UTS2R: variants seen among roughly 807,000 people sequenced by gnomAD.
UTS2R encodes urotensin 2 receptor.
For synonymous variants in UTS2R, 335 were observed against 280.9 expected (o/e 1.19, Z -1.93); for missense variants, 653 against 562.2 (o/e 1.16, Z -1.63).
rs773049719 is a variant in UTS2R at position 82,375,149 on chromosome 17, G to T, written c.825G>T (p.Trp275Cys). The T allele has an allele frequency of 5.9e-6, 9 of 1,537,836 alleles. 1 individual carries two copies. In the South Asian group the frequency reaches 1.1e-4, roughly 19 times the overall value. ...LLFWACFLPF[W>C]LWQLLAQYHQ... ...TCTGGGCCTGCTTCCTGCCCTTCTG[G>T]CTGTGGCAGCTGCTCGCCCAGTACC... Residue 275 changes from tryptophan (W) to cysteine (C), a missense_variant, in exon 3 of 3, where the codon TGG becomes TGT. Trp to Cys is a radical substitution (Grantham distance 215, BLOSUM62 -2). Coordinates refer to ENST00000313135, the MANE Select transcript of UTS2R (RefSeq NM_018949.3).
rs911331975 is a variant in UTS2R at position 82,375,757 on chromosome 17, C to A, written c.*263C>A. 1.3e-5 allele frequency among the ~76,000 whole-genome samples: 2 copies of A among 152,192 alleles called. No individual in the cohort carries two copies. Among genetic ancestry groups the A allele is most frequent in the East Asian group, 3.9e-4 (2 of 5,192 alleles). ...CACAGAGGGCAGCAGGCGCCAGTGC[C>A]CGGCCCGTGTGGAGACCATGGCGCG... On this transcript the variant is annotated 3_prime_UTR_variant, in exon 3 of 3. Coordinates refer to ENST00000313135, the MANE Select transcript of UTS2R (RefSeq NM_018949.3).
At chr17:82,373,938 C>T (rs763142597) in intron 2 of UTS2R, among the ~76,000 whole-genome samples, 1 of 152,204 alleles carries the variant, frequency 6.6e-6, no homozygotes, top group Non-Finnish European at 1.5e-5. Flanking sequence ...CTGTCCACTG[C>T]CGACCTCTGC....
In UTS2R at chr17:82,372,639, G is replaced by A. The variant is rs2052459039; in HGVS notation, c.-227G>A. On this transcript the variant is annotated 5_prime_UTR_variant, in exon 2 of 3. Coordinates refer to ENST00000313135, the MANE Select transcript of UTS2R (RefSeq NM_018949.3). Reference sequence around the variant, plus strand: ...TTCATCCAGGCTGCTGACCCCAGCGGCGACTCCTTCACTGGCTTCATGTCA... The same window carrying A: ...TTCATCCAGGCTGCTGACCCCAGCGACGACTCCTTCACTGGCTTCATGTCA... Among the ~76,000 whole-genome samples the A allele has an allele frequency of 6.6e-6, 1 of 152,222 alleles. No individual in the cohort carries two copies. Among genetic ancestry groups the A allele is most frequent in the Non-Finnish European group, 1.5e-5 (1 of 68,038 alleles).
chr17:82,375,586 C>G lies in UTS2R; in HGVS notation c.*92C>G. The G allele has an allele frequency of 1.9e-6, 1 of 537,074 alleles. No homozygotes were observed. The highest frequency in any genetic ancestry group is 3.2e-6 in the Non-Finnish European group (1 of 315,228). 33.3% of individuals were successfully genotyped at this position (537,074 alleles called of 1,614,324 possible). A position where few individuals can be genotyped will look rare whatever the true frequency, so the allele number is the denominator to read the frequency against. ...CCCCCCAACTCCCAAATCACAGGCC[C>G]TGCCCCTCCTCCGTCCCCTTCTGGA... On this transcript the variant is annotated 3_prime_UTR_variant, in exon 3 of 3. Coordinates refer to ENST00000313135, the MANE Select transcript of UTS2R (RefSeq NM_018949.3).
At position 82,374,612 on chromosome 17, in the gene UTS2R, C is replaced by T. The variant is rs2052475272; in HGVS notation, c.288C>T (p.Ala96=). The change falls in exon 3 of 3, where the codon GCC becomes GCT. Residue 96 remains alanine, a synonymous_variant. Coordinates refer to ENST00000313135, the MANE Select transcript of UTS2R (RefSeq NM_018949.3). ...MYVYVVNLAL[A]DLLYLLSIPF... is the part of the protein sequence containing the mutation. ...TCTACGTGGTCAACCTGGCGCTGGCCGACCTGCTGTACCTGCTCAGCATCC... is the reference window on the plus strand; with the variant it reads ...TCTACGTGGTCAACCTGGCGCTGGCTGACCTGCTGTACCTGCTCAGCATCC... 6.2e-7 allele frequency: 1 copy of T among 1,611,070 alleles called. No homozygotes were observed. The highest frequency in any genetic ancestry group is 1.1e-5 in the South Asian group (1 of 90,504).
chr17:82,374,369 C>T lies in UTS2R; in HGVS notation c.45C>T (p.Ala15=), dbSNP rs759240629. Residue 15 remains alanine, a synonymous_variant, in exon 3 of 3, where the codon GCC becomes GCT. Coordinates refer to ENST00000313135, the MANE Select transcript of UTS2R (RefSeq NM_018949.3). ...PESPSSFPGL[A]ATGSSVPEPP... Reference sequence around the variant, plus strand: ...CCCCGAGCAGCTTCCCTGGGCTGGCCGCCACTGGCAGCTCTGTGCCGGAGC... The same window carrying T: ...CCCCGAGCAGCTTCCCTGGGCTGGCTGCCACTGGCAGCTCTGTGCCGGAGC... 2.5e-5 allele frequency: 40 copies of T among 1,586,076 alleles called. No homozygotes were observed. Among genetic ancestry groups the T allele is most frequent in the Admixed American group, 8.5e-5 (5 of 58,588 alleles).
rs1363861966 is a variant in UTS2R, at chr17:82,375,142, C to T, written c.818C>T (p.Pro273Leu). 2 of 1,536,104 alleles carry T rather than the reference C, an allele frequency of 1.3e-6. No homozygotes were observed. The highest frequency in any genetic ancestry group is 1.2e-5 in the South Asian group (1 of 82,442). The change falls in exon 3 of 3, where the codon CCC (proline) becomes CTC (leucine). Residue 273 changes from proline (P) to leucine (L), a missense_variant. Pro to Leu is a moderately conservative substitution (Grantham distance 98). Coordinates refer to ENST00000313135, the MANE Select transcript of UTS2R (RefSeq NM_018949.3). ...IVLLFWACFL[P>L]FWLWQLLAQY... ...CTGCTCTTCTGGGCCTGCTTCCTGC[C>T]CTTCTGGCTGTGGCAGCTGCTCGCC...
rs760285575 is a variant in UTS2R at position 82,374,308 on chromosome 17, G to A, written c.-17G>A. 22 of 1,537,224 alleles carry A rather than the reference G, an allele frequency of 1.4e-5. No homozygotes were observed. Among genetic ancestry groups the A allele is most frequent in the Admixed American group, 1.9e-5 (1 of 52,754 alleles). ...GGAGTGTCCACCCAGCCCTGAGCCCGTCGTGAGGGGTCAGAGATGGCGCTG... is the reference window on the plus strand; with the variant it reads ...GGAGTGTCCACCCAGCCCTGAGCCCATCGTGAGGGGTCAGAGATGGCGCTG... On this transcript the variant is annotated 5_prime_UTR_variant, in exon 3 of 3. Coordinates refer to ENST00000313135, the MANE Select transcript of UTS2R (RefSeq NM_018949.3).
chr17:82,374,454 T>G lies in UTS2R; in HGVS notation c.130T>G (p.Ser44Ala), dbSNP rs1381509393. The change falls in exon 3 of 3, where the codon TCC becomes GCC. Residue 44 changes from serine (S) to alanine (A), a missense_variant. Physicochemically the swap from Ser to Ala is moderately conservative, Grantham distance 99. Coordinates refer to ENST00000313135, the MANE Select transcript of UTS2R (RefSeq NM_018949.3). ...SSWASPTEPS[S>A]LEDLVATGTI... is the part of the protein sequence containing the mutation. The stretch of plus-strand genomic sequence containing the variant: ...CTGGGCCAGCCCGACCGAGCCCAGC[T>G]CCCTGGAGGACCTGGTGGCCACGGG... 2.5e-6 allele frequency: 4 copies of G among 1,599,966 alleles called. No individual in the cohort carries two copies. In the African/African-American group the frequency reaches 5.4e-5, roughly 21 times the overall value.
At position 82,374,750 on chromosome 17, in the gene UTS2R, C is replaced by A; in HGVS notation, c.426C>A (p.Thr142=). 1 of 1,610,806 alleles carries A rather than the reference C, an allele frequency of 6.2e-7. No individual in the cohort carries two copies. Among genetic ancestry groups the A allele is most frequent in the Non-Finnish European group, 8.5e-7 (1 of 1,179,730 alleles). ...TGCACGCCAGCATCTTCACGCTGAC[C>A]GTCATGAGCAGCGAGCGCTACGCTG... is the stretch of plus-strand genomic sequence containing the variant. ...LTMHASIFTL[T]VMSSERYAAV... The change falls in exon 3 of 3, where the codon ACC becomes ACA. Residue 142 remains threonine (T), a synonymous_variant. Coordinates refer to ENST00000313135, the MANE Select transcript of UTS2R (RefSeq NM_018949.3).
Position 82,375,387 on chromosome 17 carries a change from T to C in UTS2R, c.1063T>C (p.Ser355Pro), listed in dbSNP as rs777156244. Reference sequence around the variant, plus strand: ...GCCCCGCGCCCGCTTCCAGCGCTGTTCGGGCCGCTCCCTGTCTTCCTGCAG... The same window carrying C: ...GCCCCGCGCCCGCTTCCAGCGCTGTCCGGGCCGCTCCCTGTCTTCCTGCAG... The part of the protein sequence containing the change: ...LQPRARFQRC[S>P]GRSLSSCSPQ... The change falls in exon 3 of 3, where the codon TCG becomes CCG. Residue 355 changes from serine to proline, a missense_variant. Coordinates refer to ENST00000313135, the MANE Select transcript of UTS2R (RefSeq NM_018949.3). 22 of 1,578,430 alleles carry C rather than the reference T, an allele frequency of 1.4e-5. No individual in the cohort carries two copies. The highest frequency in any genetic ancestry group is 1.7e-5 in the Admixed American group (1 of 57,202).
At position 82,374,506 on chromosome 17, in the gene UTS2R, T is replaced by C; in HGVS notation, c.182T>C (p.Met61Thr). 1 of 1,577,542 alleles carries C rather than the reference T, an allele frequency of 6.3e-7. No individual in the cohort carries two copies. ...TGTIGTLLSAMGVVGVVGNAY... is the reference protein window; with the variant it reads ...TGTIGTLLSATGVVGVVGNAY... ...ACCATTGGGACTCTGCTGTCGGCCA[T>C]GGGCGTGGTGGGCGTGGTGGGCAAC... Residue 61 changes from methionine (M) to threonine (T), a missense_variant, in exon 3 of 3, where the codon ATG becomes ACG. By Grantham distance (81) the Met-to-Thr change is moderately conservative (BLOSUM62 -1). Coordinates refer to ENST00000313135, the MANE Select transcript of UTS2R (RefSeq NM_018949.3).
At chr17:82,373,376 G>A (rs1019363953) in intron 2 of UTS2R, among the ~76,000 whole-genome samples, 2 of 152,004 alleles carry the variant, frequency 1.3e-5, no homozygotes, top group African/African-American at 4.8e-5. Flanking sequence ...TGGCCAGGCC[G>A]GTTTCGAACT....
At position 82,375,030 on chromosome 17, in the gene UTS2R, C is replaced by A; in HGVS notation, c.706C>A (p.Arg236Ser). 7.2e-7 allele frequency: 1 copy of A among 1,390,874 alleles called. No individual in the cohort carries two copies. The highest frequency in any genetic ancestry group is 2.7e-5 in the Admixed American group (1 of 36,872). The allele number at this position is 1,390,874 out of a possible 1,614,324, so 86.2% of individuals were successfully genotyped here. A position where few individuals can be genotyped will look rare whatever the true frequency, so the allele number is the denominator to read the frequency against. The change falls in exon 3 of 3, where the codon CGC (arginine) becomes AGC (serine). Residue 236 changes from arginine (R) to serine (S), a missense_variant. By Grantham distance (110) the Arg-to-Ser change is moderately radical (BLOSUM62 -1). Coordinates refer to ENST00000313135, the MANE Select transcript of UTS2R (RefSeq NM_018949.3). Reference protein sequence around the residue: ...LIGLLYARLARAYRRSQRASF... With the variant: ...LIGLLYARLASAYRRSQRASF... ...CGGGCTGCTCTACGCGCGCCTGGCC[C>A]GCGCCTACCGCCGCTCGCAGCGCGC...
intron 1 of UTS2R, among the ~76,000 whole-genome samples, 132 bp downstream of exon 1, chr17:82,372,179 GCGGCTTCTCCCGTGCCGTGGAA>G: frequency 6.6e-6 from 1 of 152,166 alleles, no homozygotes; most frequent in Non-Finnish European, 1.5e-5. Context: ...GTCCAGCGAG[GCGGCTTCTCCCGTGCCGTGGAA>G]CTTTCGGCCC....
rs938916794 is a variant in UTS2R, at chr17:82,376,971, C to A, written c.*1477C>A. Among the ~76,000 whole-genome samples the A allele has an allele frequency of 6.6e-6, 1 of 152,174 alleles. No individual in the cohort carries two copies. Among genetic ancestry groups the A allele is most frequent in the African/African-American group, 2.4e-5 (1 of 41,442 alleles). On this transcript the variant is annotated 3_prime_UTR_variant, in exon 3 of 3. Coordinates refer to ENST00000313135, the MANE Select transcript of UTS2R (RefSeq NM_018949.3). Reference sequence around the variant, plus strand: ...CACCCCGTCTGGGAGGTGTGCCCAGCAGCTCATTGAGAACGGGCCATGATG... The same window carrying A: ...CACCCCGTCTGGGAGGTGTGCCCAGAAGCTCATTGAGAACGGGCCATGATG...
chr17:82,372,074 C>T (rs1280774970), intron 1 of UTS2R, among the ~76,000 whole-genome samples, 27 bp downstream of exon 1: 1 of 151,974 alleles, frequency 6.6e-6, no homozygotes, highest in Non-Finnish European at 1.5e-5. Context: ...TGACCGGGAG[C>T]GCGCGGGGAC....
rs1222334301 is a variant in UTS2R at position 82,376,892 on chromosome 17, C to T, written c.*1398C>T. Among the ~76,000 whole-genome samples the T allele has an allele frequency of 2.6e-5, 4 of 151,928 alleles. No individual in the cohort carries two copies. The highest frequency in any genetic ancestry group is 4.4e-5 in the Non-Finnish European group (3 of 67,968). ...GCCACCCCGTCCGGGAGGTGAGGGG[C>T]GCCTCTGCCCGGCCACCCCTACTGG... On this transcript the variant is annotated 3_prime_UTR_variant, in exon 3 of 3. Transcript: ENST00000313135.
rs771882350 is a variant in UTS2R at position 82,375,355 on chromosome 17, C to T, written c.1031C>T (p.Ser344Phe). 3 of 1,573,508 alleles carry T rather than the reference C, an allele frequency of 1.9e-6. No homozygotes were observed. The highest frequency in any genetic ancestry group is 2.6e-6 in the Non-Finnish European group (3 of 1,164,806). The change falls in exon 3 of 3, where the codon TCC becomes TTC. Residue 344 changes from serine to phenylalanine, a missense_variant. By Grantham distance (155) the Ser-to-Phe change is radical. Transcript: ENST00000313135. Reference sequence around the variant, plus strand: ...GGGGGAGGCCGGGGGCCCGTTCCCTCCCTGCAGCCCCGCGCCCGCTTCCAG... The same window carrying T: ...GGGGGAGGCCGGGGGCCCGTTCCCTTCCTGCAGCCCCGCGCCCGCTTCCAG... Reference protein sequence around the residue: ...GSGGGRGPVPSLQPRARFQRC... With the variant: ...GSGGGRGPVPFLQPRARFQRC...
Sources: allele counts gnomAD v4.1 joint callset (sites outside exome capture counted in the v4.1 genomes callset), GRCh38; gene constraint gnomAD v4.1.1; transcripts MANE v1.5; gene names NCBI Gene and HGNC (gene_info 2026-07-23, HGNC 2026-07-21).